The following MAGI2 variants were observed in gnomAD, a reference collection of about 807,000 sequenced individuals.
The protein encoded by MAGI2 is membrane-associated guanylate kinase, WW and PDZ domain-containing protein 2.
A neutral mutation model predicts 133.3 loss-of-function variants in MAGI2; 35 were observed. The ratio of observed to expected loss-of-function variants is 0.26; its 90% CI spans 0.20 to 0.35. The LOEUF (loss-of-function observed/expected upper bound fraction) is 0.35, where lower values mean the gene tolerates loss of function less well. Ranked by LOEUF, MAGI2 falls within the 10% of genes least tolerant of loss-of-function variation. The pLI, the probability that MAGI2 is intolerant of heterozygous loss-of-function variation, is 1.00. For missense variants in MAGI2, 1,636 were observed against 1,863.4 expected, an observed-to-expected ratio of 0.88 and a Z score of 2.25; for synonymous variants, 729 against 710.6, an observed-to-expected ratio of 1.03 and a Z score of -0.41.
chr7:79,171,743 A>AATATAT (rs34570751), intron 1 of MAGI2, among the ~76,000 whole-genome samples: 24 of 29,588 alleles, frequency 8.1e-4, no homozygotes, highest in South Asian at 4.7e-3. Context: ...AATAGCCAAA[A>AATATAT]ATATATATAT....
chr7:79,421,018 G>A (rs544000866), intron 1 of MAGI2, among the ~76,000 whole-genome samples: 1 of 151,988 alleles, frequency 6.6e-6, no homozygotes, highest in Admixed American at 6.6e-5. Context: ...AATATAATAT[G>A]CACAAAATCC....
At chr7:78,612,794 C>T (rs112923343) in intron 3 of MAGI2, among the ~76,000 whole-genome samples, 1 of 151,916 alleles carries the variant, frequency 6.6e-6, no homozygotes, top group Admixed American at 6.6e-5. Context: ...CTCAGCCTCC[C>T]GAGAAGCTGG....
At chr7:78,140,136 C>T (rs1451025674) in intron 16 of MAGI2, among the ~76,000 whole-genome samples, 3 of 152,086 alleles carry the variant, frequency 2.0e-5, no homozygotes, top group Non-Finnish European at 2.9e-5. Context: ...CAAAGTGGGC[C>T]GATCCAGCCA....
Position 78,769,635 on chromosome 7 carries a change from T to A in MAGI2, c.419-142396A>T, listed in dbSNP as rs893917246. 3.9e-5 allele frequency among the ~76,000 whole-genome samples: 6 copies of A among 152,054 alleles called. No homozygotes were observed. The East Asian group carries it at 1.2e-3, about 29-fold the overall frequency. Reference sequence around the variant, plus strand: ...CTCGACTACTCAAAGACCATCTCCCTCAGGACGAGACAGAGATATGGAGCC... The same window carrying A: ...CTCGACTACTCAAAGACCATCTCCCACAGGACGAGACAGAGATATGGAGCC... On this transcript the variant is annotated intron_variant, in intron 2 of 21. Transcript: ENST00000354212.
At chr7:79,413,239 A>G (rs1040344598) in intron 1 of MAGI2, 2 of 152,156 alleles carry the variant, frequency 1.3e-5, no homozygotes, top group Non-Finnish European at 2.9e-5. Context: ...TTATGAGGCC[A>G]ATAATGTACA....
At chr7:78,905,544 T>C (rs992366675) in intron 2 of MAGI2, among the ~76,000 whole-genome samples, 1 of 152,228 alleles carries the variant, frequency 6.6e-6, no homozygotes, top group Non-Finnish European at 1.5e-5. Context: ...TTGTTATTGC[T>C]CAGCTCCATG....
intron 1 of MAGI2, among the ~76,000 whole-genome samples, chr7:79,363,866 T>A (rs1475565597): frequency 1.3e-5 from 2 of 151,602 alleles, no homozygotes; most frequent in African/African-American, 4.8e-5. Flanking sequence ...ATTCAAAATA[T>A]CATATGTATC....
intron 1 of MAGI2, among the ~76,000 whole-genome samples, chr7:79,297,061 A>C (rs1443332817): frequency 6.6e-6 from 1 of 152,196 alleles, no homozygotes; most frequent in African/African-American, 2.4e-5. Flanking sequence ...TAAGTATTTC[A>C]TTAAGTTGAA....
chr7:78,230,475 T>C (rs1789850853), intron 10 of MAGI2, among the ~76,000 whole-genome samples: 1 of 152,234 alleles, frequency 6.6e-6, no homozygotes, highest in African/African-American at 2.4e-5. Flanking sequence ...TTTTAGTGAA[T>C]ATGCAATTTT....
chr7:79,248,999 G>C (rs1409160306), intron 1 of MAGI2, among the ~76,000 whole-genome samples: 2 of 152,028 alleles, frequency 1.3e-5, no homozygotes, highest in African/African-American at 4.8e-5. Flanking sequence ...AAGTAGCTGG[G>C]ATTACAGGTG....
chr7:78,977,511 GAAAGAAAGAAAGAA>G (rs1804392828), intron 2 of MAGI2, among the ~76,000 whole-genome samples: 1 of 32,900 alleles, frequency 3.0e-5, no homozygotes, highest in Admixed American at 2.5e-4. Context: ...AAGAAAGAAA[GAAAGAAAGAAAGAA>G]AGAGCAAAGA....
At chr7:78,612,215 T>C (rs1426731231) in intron 3 of MAGI2, among the ~76,000 whole-genome samples, 2 of 152,178 alleles carry the variant, frequency 1.3e-5, no homozygotes, top group East Asian at 1.9e-4. Flanking sequence ...GAAACCTGTA[T>C]TGGAGAAACA....
intron 1 of MAGI2, among the ~76,000 whole-genome samples, chr7:79,276,963 AAATAAT>A (rs990900235): frequency 2.0e-5 from 3 of 151,394 alleles, no homozygotes; most frequent in Non-Finnish European, 4.4e-5. Flanking sequence ...ACTCTGTCTA[AAATAAT>A]AATAATAATA....
chr7:78,816,441 A>G (rs1002975284), intron 2 of MAGI2, among the ~76,000 whole-genome samples: 2 of 152,250 alleles, frequency 1.3e-5, no homozygotes, highest in African/African-American at 2.4e-5. Context: ...ACAGCCTTCT[A>G]TTTGAAGAAG....
chr7:79,249,270 A>G (rs1418393973), intron 1 of MAGI2, among the ~76,000 whole-genome samples: 1 of 152,218 alleles, frequency 6.6e-6, no homozygotes, highest in East Asian at 1.9e-4. Flanking sequence ...AAATATTAGT[A>G]GGAGAAAATA....
chr7:79,315,118 A>T (rs1198635853), intron 1 of MAGI2, among the ~76,000 whole-genome samples: 1 of 152,000 alleles, frequency 6.6e-6, no homozygotes, highest in Non-Finnish European at 1.5e-5. Flanking sequence ...ATATCATTTT[A>T]AAAATGCGAT....
chr7:78,868,872 G>A (rs1563602366), intron 2 of MAGI2, among the ~76,000 whole-genome samples: 2 of 151,986 alleles, frequency 1.3e-5, no homozygotes, highest in Non-Finnish European at 2.9e-5. Context: ...TCCTGCCACA[G>A]CCTCCAGAGT....
At chr7:78,369,129 AAGT>A in intron 7 of MAGI2, 24 bp downstream of exon 7, 1 of 1,494,272 alleles carries the variant, frequency 6.7e-7, no homozygotes, top group Non-Finnish European at 9.2e-7. Flanking sequence ...TATTAATAAC[AAGT>A]TAATATCACA....
chr7:79,211,387 C>G (rs1829482239), intron 1 of MAGI2, among the ~76,000 whole-genome samples: 1 of 151,950 alleles, frequency 6.6e-6, no homozygotes, highest in Non-Finnish European at 1.5e-5. Context: ...GTGATCTCCT[C>G]TCACGTCAGC....
Sources: gnomAD v4.1 joint callset for allele counts (sites outside exome capture counted in the v4.1 genomes callset) on GRCh38, gnomAD v4.1.1 for gene constraint, MANE v1.5 for transcripts, NCBI Gene and HGNC (gene_info 2026-07-23, HGNC 2026-07-21) for gene names.